CLTCL1: variants seen among roughly 807,000 people sequenced by gnomAD.
The protein encoded by CLTCL1 is clathrin heavy chain like 1.
CLTCL1 carries 159 observed loss-of-function variants against 190.0 expected under a neutral mutation model. That is an observed-to-expected ratio of 0.84 (90% CI 0.74 to 0.95). The LOEUF (loss-of-function observed/expected upper bound fraction) is 0.95. CLTCL1 is among the 40% of genes least tolerant of loss of function. The pLI is 0.00. For synonymous variants in CLTCL1, 752 were observed against 769.6 expected, an observed-to-expected ratio of 0.98 and a Z score of 0.38; for missense variants, 1,878 against 2,033.4, an observed-to-expected ratio of 0.92 and a Z score of 1.47.
chr22:19,248,738 T>C (rs1169101038), intron 3 of CLTCL1, among the ~76,000 whole-genome samples: 3 of 152,190 alleles, frequency 2.0e-5, no homozygotes, highest in Admixed American at 1.3e-4. Flanking sequence ...TTAGTAGAGA[T>C]GGGGTTTCGC....
intron 17 of CLTCL1, among the ~76,000 whole-genome samples, chr22:19,220,349 C>T (rs548821722): frequency 2.0e-5 from 3 of 152,218 alleles, no homozygotes; most frequent in East Asian, 1.9e-4. Context: ...AAATGTGGTG[C>T]GTGACAGGAA....
chr22:19,218,138 T>C, intron 18 of CLTCL1, among the ~76,000 whole-genome samples: 1 of 152,120 alleles, frequency 6.6e-6, no homozygotes, highest in East Asian at 1.9e-4. Context: ...ACAGCAGAGA[T>C]AATGAAAGAC....
At chr22:19,217,683 A>G (rs2085432269) in intron 18 of CLTCL1, among the ~76,000 whole-genome samples, 1 of 148,218 alleles carries the variant, frequency 6.7e-6, no homozygotes, top group African/African-American at 2.5e-5. Flanking sequence ...CCCCATCTCT[A>G]CTAAAAATAC....
intron 2 of CLTCL1, among the ~76,000 whole-genome samples, chr22:19,268,779 A>C (rs1256990790): frequency 6.6e-6 from 1 of 152,168 alleles, no homozygotes; most frequent in African/African-American, 2.4e-5. Flanking sequence ...TCACTTTGGA[A>C]AACAGTTGGG....
At chr22:19,278,674 T>C (rs1014404836) in intron 1 of CLTCL1, among the ~76,000 whole-genome samples, 9 of 152,192 alleles carry the variant, frequency 5.9e-5, no homozygotes, top group Non-Finnish European at 1.3e-4. Context: ...TTTAGTTCCC[T>C]GCTGGCTTAT....
At chr22:19,241,604 C>T (rs1181669005) in intron 4 of CLTCL1, among the ~76,000 whole-genome samples, 1 of 152,188 alleles carries the variant, frequency 6.6e-6, no homozygotes, top group Non-Finnish European at 1.5e-5. Flanking sequence ...AACGAACAAC[C>T]CAAAATTATG....
intron 2 of CLTCL1, among the ~76,000 whole-genome samples, chr22:19,256,354 C>CTTTTTTTTTTTTTTTTTTTTTTTTT (rs1239133099): frequency 1.9e-5 from 2 of 104,338 alleles, no homozygotes; most frequent in Non-Finnish European, 1.9e-5. Context: ...TTTCTTTTAT[C>CTTTTTTTTTTTTTTTTTTTTTTTTT]TTTTTTTTTT....
At position 19,222,715 on chromosome 22, in the gene CLTCL1, A is replaced by T. The variant is rs2085614242; in HGVS notation, c.2387T>A (p.Leu796Gln). Residue 796 changes from leucine (L) to glutamine (Q), a missense_variant, in exon 15 of 33, where the codon CTG becomes CAG. Physicochemically the swap from Leu to Gln is moderately radical, Grantham distance 113 (BLOSUM62 -2). Transcript: ENST00000427926. Reference protein sequence around the residue: ...DLVLYLYRNNLQRYIEIYVQK... With the variant: ...DLVLYLYRNNQQRYIEIYVQK... Reference sequence around the variant, plus strand: ...CACGTAGATCTCAATGTACCTCTGCAGGTTGTTGCGGTATAAATATAGGAC... The same window carrying T: ...CACGTAGATCTCAATGTACCTCTGCTGGTTGTTGCGGTATAAATATAGGAC... The T allele has an allele frequency of 6.3e-7, 1 of 1,593,976 alleles. No homozygotes were observed. The highest frequency in any genetic ancestry group is 2.3e-5 in the East Asian group (1 of 44,104).
At position 19,194,472 on chromosome 22, in the gene CLTCL1, A is replaced by T. The variant is rs377167794; in HGVS notation, c.4191+1794T>A. On this transcript the variant is annotated intron_variant, in intron 26 of 32. Transcript: ENST00000427926. ...ACTCCAGCCTGAGTGACAGAGTGAG[A>T]CTCCGTTTCAAGAAAAATAATAATA... Among the ~76,000 whole-genome samples the T allele has an allele frequency of 2.0e-5, 3 of 152,108 alleles. No homozygotes were observed. The East Asian group carries it at 5.8e-4, about 29-fold the overall frequency.
rs369223659 is a variant in CLTCL1 at position 19,239,309 on chromosome 22, G to C, written c.761C>G (p.Pro254Arg). 2 of 1,613,804 alleles carry C rather than the reference G, an allele frequency of 1.2e-6. No homozygotes were observed. The highest frequency in any genetic ancestry group is 2.7e-5 in the African/African-American group (2 of 74,938). Residue 254 changes from proline to arginine, a missense_variant, in exon 5 of 33, where the codon CCA (proline) becomes CGA (arginine). Pro to Arg is a moderately radical substitution (Grantham distance 103, BLOSUM62 -2). Coordinates refer to ENST00000427926, the MANE Select transcript of CLTCL1 (RefSeq NM_007098.4). ...CACTGGAAAATCATTCTGTGCCTCTGGAGGAAAAAACACATCTACTGCTTT... is the reference window on the plus strand; with the variant it reads ...CACTGGAAAATCATTCTGTGCCTCTCGAGGAAAAAACACATCTACTGCTTT... The part of the protein sequence containing the change: ...VKKAVDVFFP[P>R]EAQNDFPVAM...
At chr22:19,252,133 A>G (rs547150614) in intron 3 of CLTCL1, among the ~76,000 whole-genome samples, 1 of 152,308 alleles carries the variant, frequency 6.6e-6, no homozygotes, top group Non-Finnish European at 1.5e-5. Flanking sequence ...AGAACAGACT[A>G]CATGGTTTTG....
chr22:19,284,254 C>T (rs1259800919), intron 1 of CLTCL1, among the ~76,000 whole-genome samples: 4 of 152,216 alleles, frequency 2.6e-5, no homozygotes, highest in Non-Finnish European at 5.9e-5. Context: ...CTGTCTCCTT[C>T]CCAGTCTCAC....
intron 1 of CLTCL1, among the ~76,000 whole-genome samples, chr22:19,285,446 C>A (rs2087873674): frequency 6.6e-6 from 1 of 152,138 alleles, no homozygotes; most frequent in African/African-American, 2.4e-5. Context: ...TTATATAATG[C>A]TTTACAGAAC....
chr22:19,230,127 C>T (rs1242101148), intron 10 of CLTCL1, among the ~76,000 whole-genome samples, 152 bp from the exon 11 acceptor site: 4 of 136,118 alleles, frequency 2.9e-5, no homozygotes, highest in African/African-American at 8.5e-5. Flanking sequence ...GATGGAGTCT[C>T]GCTCTGTCAC....
chr22:19,271,367 C>G (rs1343645074), intron 2 of CLTCL1, among the ~76,000 whole-genome samples: 1 of 152,006 alleles, frequency 6.6e-6, no homozygotes, highest in African/African-American at 2.4e-5. Context: ...TGAGTTCTCA[C>G]GAGATCTGAT....
chr22:19,235,816 A>C lies in CLTCL1; in HGVS notation c.849T>G (p.His283Gln). The C allele has an allele frequency of 6.2e-7, 1 of 1,614,008 alleles. No homozygotes were observed. Among genetic ancestry groups the C allele is most frequent in the South Asian group, 1.1e-5 (1 of 91,076 alleles). Residue 283 changes from histidine (H) to glutamine (Q), a missense_variant, in exon 6 of 33, where the codon CAT becomes CAG. His to Gln is a conservative substitution (Grantham distance 24). Transcript: ENST00000427926. ...IYLITKYGYLHLYDLESGVCI... is the reference protein window; with the variant it reads ...IYLITKYGYLQLYDLESGVCI... ...ACACGCCAGACTCTAGGTCGTACAGATGAAGATAGCCATACTTTGTGATCA... is the reference window on the plus strand; with the variant it reads ...ACACGCCAGACTCTAGGTCGTACAGCTGAAGATAGCCATACTTTGTGATCA...
chr22:19,239,243 A>G (rs368677872), intron 5 of CLTCL1, 32 bp downstream of exon 5: 1 of 1,519,504 alleles, frequency 6.6e-7, no homozygotes, highest in Non-Finnish European at 9.1e-7. Context: ...ATTTTAGGAC[A>G]TGAAGATGTT....
At chr22:19,185,772 G>A (rs781839038) in intron 29 of CLTCL1, among the ~76,000 whole-genome samples, 1 of 152,218 alleles carries the variant, frequency 6.6e-6, no homozygotes, top group Non-Finnish European at 1.5e-5. Context: ...GTGTTGAGGA[G>A]GCTGTGTGTT....
intron 2 of CLTCL1, among the ~76,000 whole-genome samples, chr22:19,268,344 A>C (rs2087190378): frequency 1.3e-5 from 2 of 152,200 alleles, no homozygotes. Context: ...TAGATTTCCC[A>C]GTGTCAGCCA....
Sources: allele counts gnomAD v4.1 joint callset (sites outside exome capture counted in the v4.1 genomes callset), GRCh38; gene constraint gnomAD v4.1.1; transcripts MANE v1.5; gene names NCBI Gene and HGNC (gene_info 2026-07-23, HGNC 2026-07-21).